GRID2: variants seen among roughly 807,000 people sequenced by gnomAD.
GRID2 encodes glutamate receptor ionotropic, delta-2.
GRID2 carries 33 observed loss-of-function variants against 114.8 expected under a neutral mutation model. That is an observed-to-expected ratio of 0.29 (90% confidence interval 0.22 to 0.38). The LOEUF (loss-of-function observed/expected upper bound fraction) is 0.38. Among genes scored for constraint, GRID2 ranks in the 10% least tolerant of loss-of-function variants. The probability of loss-of-function intolerance (pLI) is 1.00; values close to 1 mark genes in which losing one functional copy is unlikely to be tolerated. For synonymous variants in GRID2, 505 were observed against 449.9 expected, an observed-to-expected ratio of 1.12 and a Z score of -1.55; for missense variants, 1,184 against 1,257.7, an observed-to-expected ratio of 0.94 and a Z score of 0.89.
intron 2 of GRID2, among the ~76,000 whole-genome samples, chr4:92,699,421 T>C (rs2149299955): frequency 6.6e-6 from 1 of 152,294 alleles, no homozygotes; most frequent in Admixed American, 6.5e-5. Flanking sequence ...CTGAATGATG[T>C]TTGGCATGCC....
chr4:93,722,616 G>A (rs1002551175), intron 14 of GRID2, among the ~76,000 whole-genome samples: 1 of 152,068 alleles, frequency 6.6e-6, no homozygotes, highest in Admixed American at 6.5e-5. Context: ...ACTGAAAACT[G>A]CCAGTTGGCC....
chr4:92,350,984 G>T (rs548031287), intron 1 of GRID2, among the ~76,000 whole-genome samples: 1 of 151,710 alleles, frequency 6.6e-6, no homozygotes, highest in African/African-American at 2.4e-5. Context: ...AAGTTCATCC[G>T]TTATGTAGCA....
chr4:93,772,284 T>A lies in GRID2; in HGVS notation c.2810T>A (p.Ile937Asn). The change falls in exon 16 of 16, where the codon ATC (isoleucine) becomes AAC (asparagine). Residue 937 changes from isoleucine (I) to asparagine (N), a missense_variant. This residue lies in a region of GRID2 where 717 missense variants were observed against 796.9 expected (regional missense o/e 0.90). Transcript: ENST00000282020. ...ACAACAACCTTTATCCCAGAGCAGA[T>A]CCAGACTCTTAGCCGCACACTGTCA... is the stretch of plus-strand genomic sequence containing the variant. Reference protein sequence around the residue: ...ITTTTFIPEQIQTLSRTLSAK... With the variant: ...ITTTTFIPEQNQTLSRTLSAK... 2 of 1,614,140 alleles carry A rather than the reference T, an allele frequency of 1.2e-6. No homozygotes were observed. The highest frequency in any genetic ancestry group is 1.7e-6 in the Non-Finnish European group (2 of 1,179,990).
intron 13 of GRID2, among the ~76,000 whole-genome samples, chr4:93,582,880 T>C (rs2149597289): frequency 6.6e-6 from 1 of 152,290 alleles, no homozygotes; most frequent in East Asian, 1.9e-4. Context: ...CCATAACAAG[T>C]CACCACAAGC....
intron 2 of GRID2, among the ~76,000 whole-genome samples, chr4:92,877,689 A>G (rs1745733224): frequency 1.3e-5 from 2 of 152,180 alleles, no homozygotes; most frequent in Non-Finnish European, 1.5e-5. Flanking sequence ...AAAGAAGTTC[A>G]TTAGTGTGTC....
chr4:93,252,125 A>G (rs568718886), intron 8 of GRID2, among the ~76,000 whole-genome samples: 7 of 152,218 alleles, frequency 4.6e-5, no homozygotes, highest in African/African-American at 1.7e-4. Flanking sequence ...GGTCTTCATC[A>G]TGAAATCTTT....
intron 11 of GRID2, among the ~76,000 whole-genome samples, chr4:93,488,543 T>C (rs78323098): frequency 0.022 from 3,415 of 152,098 alleles, 60 homozygotes; most frequent in South Asian, 0.059. Flanking sequence ...TAGAACTACA[T>C]GAAAGTAGTA....
intron 1 of GRID2, among the ~76,000 whole-genome samples, chr4:92,544,283 C>T (rs553576919): frequency 2.6e-5 from 4 of 152,172 alleles, no homozygotes; most frequent in Non-Finnish European, 5.9e-5. Context: ...ACTGATGAAC[C>T]ACTGAACTTT....
intron 1 of GRID2, among the ~76,000 whole-genome samples, chr4:92,525,113 T>A (rs1365449925): frequency 1.3e-5 from 2 of 150,812 alleles, no homozygotes; most frequent in Non-Finnish European, 3.0e-5. Flanking sequence ...TTGCAGAGAG[T>A]GGCTGTGAGG....
intron 13 of GRID2, among the ~76,000 whole-genome samples, chr4:93,613,191 G>T (rs907745829): frequency 1.3e-5 from 2 of 148,576 alleles, no homozygotes; most frequent in African/African-American, 5.0e-5. Flanking sequence ...CTCTGTATTG[G>T]TTATTCTAGT....
At chr4:92,605,782 T>C (rs555646622) in intron 2 of GRID2, among the ~76,000 whole-genome samples, 7 of 152,226 alleles carry the variant, frequency 4.6e-5, no homozygotes, top group African/African-American at 1.7e-4. Context: ...CCATCATCAA[T>C]GTCATTCCTT....
At chr4:92,689,367 A>G (rs1734069598) in intron 2 of GRID2, among the ~76,000 whole-genome samples, 1 of 152,136 alleles carries the variant, frequency 6.6e-6, no homozygotes, top group Non-Finnish European at 1.5e-5. Context: ...ATCTACATTT[A>G]GAATCTGTTA....
chr4:93,578,888 C>T (rs563539710), intron 13 of GRID2, among the ~76,000 whole-genome samples: 5 of 152,228 alleles, frequency 3.3e-5, no homozygotes, highest in East Asian at 1.9e-4. Context: ...CCACCGCACC[C>T]GGCTGCCTTG....
At chr4:92,921,595 A>G (rs943616275) in intron 2 of GRID2, among the ~76,000 whole-genome samples, 5 of 151,998 alleles carry the variant, frequency 3.3e-5, no homozygotes, top group Non-Finnish European at 7.4e-5. Flanking sequence ...GGTCTGTTGG[A>G]GTTTGCTGGA....
At chr4:93,334,384 A>T (rs192368014) in intron 8 of GRID2, among the ~76,000 whole-genome samples, 1 of 152,318 alleles carries the variant, frequency 6.6e-6, no homozygotes, top group Non-Finnish European at 1.5e-5. Flanking sequence ...TACTGTGAAA[A>T]AAAAACCGTC....
At chr4:92,618,430 A>G (rs964006962) in intron 2 of GRID2, among the ~76,000 whole-genome samples, 3 of 151,826 alleles carry the variant, frequency 2.0e-5, no homozygotes, top group Non-Finnish European at 2.9e-5. Flanking sequence ...CACATTTTGA[A>G]GTTTGATAGT....
intron 9 of GRID2, among the ~76,000 whole-genome samples, chr4:93,419,956 TAATTA>T (rs1768099883): frequency 6.6e-6 from 1 of 152,142 alleles, no homozygotes. Context: ...ACCTATGCAA[TAATTA>T]AATTCATAAT....
chr4:93,528,152 CTA>C (rs776519190), intron 13 of GRID2, among the ~76,000 whole-genome samples: 7 of 150,510 alleles, frequency 4.7e-5, no homozygotes, highest in African/African-American at 9.8e-5. Context: ...TATATATATG[CTA>C]TATATATATG....
chr4:92,708,706 G>A (rs1735068530), intron 2 of GRID2, among the ~76,000 whole-genome samples: 1 of 152,130 alleles, frequency 6.6e-6, no homozygotes, highest in Non-Finnish European at 1.5e-5. Flanking sequence ...AGACATGTTT[G>A]TAGCGAATGT....
Sources: allele counts gnomAD v4.1 joint callset (sites outside exome capture counted in the v4.1 genomes callset), GRCh38; gene constraint gnomAD v4.1.1; regional missense constraint gnomAD v4.1.1; transcripts MANE v1.5; gene names NCBI Gene and HGNC (gene_info 2026-07-23, HGNC 2026-07-21).